Variants in NCS1 observed in about 807,000 individuals in gnomAD.
NCS1 encodes neuronal calcium sensor 1.
In NCS1, 6 loss-of-function variants were observed where a neutral mutation model predicts 28.4. That is an observed-to-expected ratio of 0.21 (90% confidence interval 0.12 to 0.42). The LOEUF (loss-of-function observed/expected upper bound fraction) is 0.42, where lower values mean the gene tolerates loss of function less well. Ranked by LOEUF, NCS1 falls within the 10% of genes least tolerant of loss-of-function variation. NCS1 has a pLI of 1.00. For missense variants in NCS1, 131 were observed against 241.4 expected, an observed-to-expected ratio of 0.54 and a Z score of 3.03; for synonymous variants, 86 against 99.3, an observed-to-expected ratio of 0.87 and a Z score of 0.79.
At chr9:130,205,624 C>T (rs1174234038) in intron 2 of NCS1, among the ~76,000 whole-genome samples, 2 of 150,386 alleles carry the variant, frequency 1.3e-5, no homozygotes, top group African/African-American at 4.9e-5. Flanking sequence ...ATCATTTGAG[C>T]CCAGGAGTTT....
intron 1 of NCS1, among the ~76,000 whole-genome samples, chr9:130,197,688 C>T (rs1005064445): frequency 4.6e-5 from 7 of 152,138 alleles, no homozygotes; most frequent in Non-Finnish European, 1.5e-5. Flanking sequence ...TGTGGCTGGG[C>T]GTGGTGGCTC....
intron 1 of NCS1, among the ~76,000 whole-genome samples, chr9:130,189,873 AAAAAAAAT>A (rs1456607669): frequency 4.1e-5 from 4 of 96,750 alleles, no homozygotes; most frequent in African/African-American, 2.4e-4. Context: ...AAAAAAAAAA[AAAAAAAAT>A]ATATATATAT....
chr9:130,211,640 G>A (rs1193078854), intron 2 of NCS1, among the ~76,000 whole-genome samples: 2 of 151,992 alleles, frequency 1.3e-5, no homozygotes, highest in Non-Finnish European at 2.9e-5. Context: ...CCCCTTCCTG[G>A]TACCGAGCAC....
chr9:130,230,131 A>C (rs1205484145), intron 7 of NCS1, among the ~76,000 whole-genome samples: 2 of 152,180 alleles, frequency 1.3e-5, no homozygotes, highest in Non-Finnish European at 2.9e-5. Context: ...CAAGTGGATC[A>C]CTTGAGGTTA....
intron 1 of NCS1, among the ~76,000 whole-genome samples, chr9:130,197,521 C>G (rs781808307): frequency 1.3e-5 from 2 of 152,192 alleles, no homozygotes; most frequent in African/African-American, 4.8e-5. Flanking sequence ...GCTCAGCTTC[C>G]TCTCCAGGTT....
rs367729392 is a variant in NCS1, at chr9:130,191,118, G to A, written c.65-9840G>A. ...CAGTGCTTGTGATGTGTATCCTCTCGTTGGCCCCTGACAGCGGGGCAGGGA... is the reference window on the plus strand; with the variant it reads ...CAGTGCTTGTGATGTGTATCCTCTCATTGGCCCCTGACAGCGGGGCAGGGA... On this transcript the variant is annotated intron_variant, in intron 1 of 7. Coordinates refer to ENST00000372398, the MANE Select transcript of NCS1 (RefSeq NM_014286.4). This position sits in a 1 kb window ranked among gnomAD's most constrained non-coding sequence, Gnocchi z 6.4. Among the ~76,000 whole-genome samples the A allele has an allele frequency of 5.3e-5, 8 of 152,322 alleles. No individual in the cohort carries two copies. The highest frequency in any genetic ancestry group is 2.1e-4 in the South Asian group (1 of 4,826).
intron 1 of NCS1, among the ~76,000 whole-genome samples, chr9:130,183,742 T>C (rs1408672974): frequency 1.1e-4 from 16 of 145,190 alleles, no homozygotes; most frequent in Non-Finnish European, 2.5e-4. Context: ...CTCTCTTCCT[T>C]CCTTCTTTCT....
At position 130,175,824 on chromosome 9, in the gene NCS1, C is replaced by G. The variant is rs1247874116; in HGVS notation, c.64+3097C>G. ...GGTTAGGGAGAGATGGACAGGGTCA[C>G]TCTGCAGCCAAGACTTAGACAGTGG... On this transcript the variant is annotated intron_variant, in intron 1 of 7. Coordinates refer to ENST00000372398, the MANE Select transcript of NCS1 (RefSeq NM_014286.4). The surrounding 1 kb of genome is among the most constrained non-coding windows in gnomAD (Gnocchi z 4.9). Among the ~76,000 whole-genome samples, 1 of 152,246 alleles carries G rather than the reference C, an allele frequency of 6.6e-6. No homozygotes were observed. Among genetic ancestry groups the G allele is most frequent in the Non-Finnish European group, 1.5e-5 (1 of 68,050 alleles).
chr9:130,222,958 G>T, intron 5 of NCS1, 124 bp from the exon 6 acceptor site: 1 of 852,932 alleles, frequency 1.2e-6, no homozygotes. Flanking sequence ...GGCAGGGATG[G>T]GGAGGGGAAA....
At chr9:130,195,435 GTTT>G (rs782788352) in intron 1 of NCS1, among the ~76,000 whole-genome samples, 1 of 142,890 alleles carries the variant, frequency 7.0e-6, no homozygotes, top group Non-Finnish European at 1.5e-5. Context: ...GCTGGGCTTT[GTTT>G]TTTTTTTTTT....
intron 2 of NCS1, among the ~76,000 whole-genome samples, chr9:130,203,904 C>T (rs1482991479): frequency 6.6e-6 from 1 of 152,220 alleles, no homozygotes; most frequent in African/African-American, 2.4e-5. Context: ...CCTGGGCCTT[C>T]TCCTGGAGCC....
chr9:130,188,643 G>A (rs1832772682), intron 1 of NCS1, among the ~76,000 whole-genome samples: 1 of 151,860 alleles, frequency 6.6e-6, no homozygotes, highest in Non-Finnish European at 1.5e-5. Flanking sequence ...CCCGACCTCA[G>A]GTGATTCACC....
At chr9:130,205,044 G>A (rs1285694392) in intron 2 of NCS1, among the ~76,000 whole-genome samples, 1 of 152,128 alleles carries the variant, frequency 6.6e-6, no homozygotes, top group Non-Finnish European at 1.5e-5. Flanking sequence ...GTCACTGTGG[G>A]CTGAGAAATG....
At chr9:130,199,866 C>T (rs1409617691) in intron 1 of NCS1, among the ~76,000 whole-genome samples, 4 of 151,908 alleles carry the variant, frequency 2.6e-5, no homozygotes, top group African/African-American at 9.7e-5. Context: ...ATCTGACCTC[C>T]ACCTGACACC....
chr9:130,226,550 G>A lies in NCS1; in HGVS notation c.*17+46G>A, dbSNP rs1833419486. The A allele has an allele frequency of 4.9e-6, 7 of 1,421,714 alleles. No homozygotes were observed. Among genetic ancestry groups the A allele is most frequent in the African/African-American group, 4.3e-5 (3 of 70,486 alleles). The allele number at this position is 1,421,714 out of a possible 1,614,324, so 88.1% of individuals were successfully genotyped here. A position where few individuals can be genotyped will look rare whatever the true frequency, so the allele number is the denominator to read the frequency against. On this transcript the variant is annotated intron_variant, in intron 7 of 7. Transcript: ENST00000372398. The surrounding 1 kb of genome is among the most constrained non-coding windows in gnomAD (Gnocchi z 4.8). The stretch of plus-strand genomic sequence containing the variant: ...TGGGGTGGGTCTGGGATGGGTCAGG[G>A]GTGAAAACCCAGCAGCAGGACACCT...
At chr9:130,222,990 C>T (rs1833355285) in intron 5 of NCS1, 92 bp from the exon 6 acceptor site, 1 of 1,123,030 alleles carries the variant, frequency 8.9e-7, no homozygotes, top group Non-Finnish European at 1.3e-6. Context: ...CGGCCCTCAT[C>T]TGGAAACTGC....
In NCS1 at chr9:130,220,836, T is replaced by C. The variant is rs189205651; in HGVS notation, c.307+1033T>C. Among the ~76,000 whole-genome samples, 883 of 151,974 alleles carry C rather than the reference T, an allele frequency of 5.8e-3. 9 individuals are homozygous for C. The highest frequency in any genetic ancestry group is 0.035 in the South Asian group (168 of 4,808). ...CAATGCACTATTTTATTTTCTAATG[T>C]TGACTGTAGCAGGCCACACCATAAT... On this transcript the variant is annotated intron_variant, in intron 4 of 7. Transcript: ENST00000372398.
intron 2 of NCS1, among the ~76,000 whole-genome samples, chr9:130,206,303 A>G (rs553046738): frequency 1.3e-5 from 2 of 152,152 alleles, no homozygotes; most frequent in South Asian, 4.2e-4. Flanking sequence ...AAATGAGGTG[A>G]GCACCTGCAT....
At chr9:130,231,210 G>A (rs1833497256) in intron 7 of NCS1, among the ~76,000 whole-genome samples, 1 of 151,980 alleles carries the variant, frequency 6.6e-6, no homozygotes, top group Non-Finnish European at 1.5e-5. Context: ...AATTAGCTGG[G>A]TGTGGTGGCG....
Sources: gnomAD v4.1 joint callset for allele counts (sites outside exome capture counted in the v4.1 genomes callset) on GRCh38, gnomAD v4.1.1 for gene constraint, Gnocchi (gnomAD v3.1) non-coding constraint, MANE v1.5 for transcripts, NCBI Gene and HGNC (gene_info 2026-07-23, HGNC 2026-07-21) for gene names.